Variants in MAML2 observed in about 807,000 individuals in gnomAD.
MAML2 encodes the protein mastermind like transcriptional coactivator 2.
In MAML2, 22 loss-of-function variants were observed where a neutral mutation model predicts 96.1. The observed-to-expected ratio is 0.23, with a 90% CI of 0.16 to 0.33. MAML2 has a LOEUF of 0.33. Ranked by LOEUF, MAML2 falls within the 10% of genes least tolerant of loss-of-function variation. The pLI is 1.00. For synonymous variants in MAML2, 561 were observed against 521.3 expected (o/e 1.08, Z -1.04); for missense variants, 1,367 against 1,392.4 (o/e 0.98, Z 0.29).
chr11:96,056,038 G>A (rs918244867), intron 2 of MAML2, among the ~76,000 whole-genome samples: 1 of 152,088 alleles, frequency 6.6e-6, no homozygotes, highest in African/African-American at 2.4e-5. Context: ...AAAAGCAATG[G>A]GTTAGAAATC....
intron 1 of MAML2, among the ~76,000 whole-genome samples, chr11:96,197,659 G>A (rs1178327837): frequency 2.0e-5 from 3 of 152,126 alleles, no homozygotes; most frequent in Non-Finnish European, 1.5e-5. Flanking sequence ...CCTACTATGT[G>A]CCAGGAAGTG....
At chr11:96,148,054 C>T (rs1860848536) in intron 1 of MAML2, among the ~76,000 whole-genome samples, 1 of 152,202 alleles carries the variant, frequency 6.6e-6, no homozygotes, top group African/African-American at 2.4e-5. Flanking sequence ...TCTCCTTTAA[C>T]AAGACTGTGG....
At chr11:96,228,816 G>C (rs1862250108) in intron 1 of MAML2, among the ~76,000 whole-genome samples, 1 of 152,212 alleles carries the variant, frequency 6.6e-6, no homozygotes, top group African/African-American at 2.4e-5. Flanking sequence ...ATGGTTTCTA[G>C]ACTTCATAAG....
chr11:96,282,387 T>C (rs1052457672), intron 1 of MAML2, among the ~76,000 whole-genome samples: 4 of 152,190 alleles, frequency 2.6e-5, no homozygotes, highest in Non-Finnish European at 5.9e-5. Flanking sequence ...GGATTTAAAT[T>C]ATTTTTCAGT....
rs936114504 is a variant in MAML2, at chr11:96,325,324, T to C, written c.513+16059A>G. 3.0e-4 allele frequency among the ~76,000 whole-genome samples: 45 copies of C among 152,142 alleles called. 1 individual carries two copies. Among genetic ancestry groups the C allele is most frequent in the Middle Eastern group, 3.2e-3 (1 of 316 alleles). ...GACAAGTTTGAGCCTCTCATACCTGTCTCTTAAACGAGGGTAGTAATACTC... is the reference window on the plus strand; with the variant it reads ...GACAAGTTTGAGCCTCTCATACCTGCCTCTTAAACGAGGGTAGTAATACTC... On this transcript the variant is annotated intron_variant, in intron 1 of 4. Coordinates refer to ENST00000524717, the MANE Select transcript of MAML2 (RefSeq NM_032427.4).
At chr11:96,329,366 A>G (rs1474103267) in intron 1 of MAML2, among the ~76,000 whole-genome samples, 1 of 152,164 alleles carries the variant, frequency 6.6e-6, no homozygotes, top group African/African-American at 2.4e-5. Context: ...CCCTTCCGCC[A>G]TGGCTGGACC....
intron 1 of MAML2, among the ~76,000 whole-genome samples, chr11:96,250,832 G>T (rs1862571890): frequency 6.6e-6 from 1 of 152,170 alleles, no homozygotes; most frequent in Non-Finnish European, 1.5e-5. Flanking sequence ...AACTTATTTG[G>T]TGATAATGAC....
chr11:95,984,039 T>C (rs1345841259), intron 4 of MAML2, among the ~76,000 whole-genome samples: 3 of 152,162 alleles, frequency 2.0e-5, no homozygotes, highest in Admixed American at 2.0e-4. Flanking sequence ...GCAAGCTCCA[T>C]TCACGGTAAG....
At chr11:96,076,517 C>T (rs1424266113) in intron 2 of MAML2, among the ~76,000 whole-genome samples, 1 of 151,782 alleles carries the variant, frequency 6.6e-6, no homozygotes, top group Non-Finnish European at 1.5e-5. Context: ...GCAACTTCCT[C>T]CACTCGGATG....
At chr11:96,170,338 GAC>G (rs1861267965) in intron 1 of MAML2, among the ~76,000 whole-genome samples, 1 of 152,184 alleles carries the variant, frequency 6.6e-6, no homozygotes, top group South Asian at 2.1e-4. Flanking sequence ...AAATTAATCA[GAC>G]ACAGATAATG....
intron 1 of MAML2, among the ~76,000 whole-genome samples, chr11:96,266,366 T>C (rs546286255): frequency 6.6e-6 from 1 of 152,084 alleles, no homozygotes; most frequent in South Asian, 2.1e-4. Context: ...GTCAGGAGAT[T>C]GAGACCATCC....
intron 1 of MAML2, among the ~76,000 whole-genome samples, chr11:96,117,287 C>CT (rs144095832): frequency 1.7e-5 from 2 of 119,460 alleles, no homozygotes; most frequent in East Asian, 6.1e-4. Context: ...TGCTGCAAAG[C>CT]TCTTTTTTTT....
chr11:96,036,396 T>G (rs1858712255), intron 2 of MAML2, among the ~76,000 whole-genome samples: 1 of 152,142 alleles, frequency 6.6e-6, no homozygotes, highest in South Asian at 2.1e-4. Flanking sequence ...CATTTTAAAC[T>G]CTTTTAGCAC....
At chr11:95,980,555 A>T (rs781195419) in intron 4 of MAML2, among the ~76,000 whole-genome samples, 5 of 152,196 alleles carry the variant, frequency 3.3e-5, no homozygotes, top group African/African-American at 7.2e-5. Context: ...ATTATCTCAT[A>T]AAGAAATTCT....
intron 1 of MAML2, among the ~76,000 whole-genome samples, chr11:96,334,046 A>G (rs750089843): frequency 5.9e-5 from 9 of 152,198 alleles, no homozygotes; most frequent in Non-Finnish European, 1.3e-4. Flanking sequence ...TAGGATTGGA[A>G]GAGGTAGTAC....
chr11:96,295,391 T>C (rs1863279017), intron 1 of MAML2, among the ~76,000 whole-genome samples: 1 of 152,172 alleles, frequency 6.6e-6, no homozygotes, highest in South Asian at 2.1e-4. Context: ...TCACACCAAG[T>C]GCATTTAAAA....
In MAML2 at chr11:96,019,970, C is replaced by T. The variant is rs141932390; in HGVS notation, c.2140-28247G>A. ...CTGAGTCTCCTAGCTCTGGAGTTTA[C>T]GCTATTCAGTCGTTAAGTGCTGTTT... On this transcript the variant is annotated intron_variant, in intron 2 of 4. Coordinates refer to ENST00000524717, the MANE Select transcript of MAML2 (RefSeq NM_032427.4). 6.8e-3 allele frequency among the ~76,000 whole-genome samples: 1,036 copies of T among 152,224 alleles called. 6 individuals carry two copies. The highest frequency in any genetic ancestry group is 9.9e-3 in the Admixed American group (151 of 15,290).
chr11:95,979,879 C>T lies in MAML2; in HGVS notation c.2540G>A (p.Ser847Asn), dbSNP rs755809170. The T allele has an allele frequency of 2.5e-6, 4 of 1,613,846 alleles. No homozygotes were observed. In the South Asian group the frequency reaches 3.3e-5, roughly 13 times the overall value. ...STHTILTPNS[S>N]LLSTSHGTRM... Reference sequence around the variant, plus strand: ...TGTCCCGTGAGAAGTAGACAGGAGGCTGGAATTGGGAGTTAAAATGGTGTG... The same window carrying T: ...TGTCCCGTGAGAAGTAGACAGGAGGTTGGAATTGGGAGTTAAAATGGTGTG... The change falls in exon 5 of 5, where the codon AGC (serine) becomes AAC (asparagine). Residue 847 changes from serine (S) to asparagine (N), a missense_variant. Transcript: ENST00000524717.
intron 2 of MAML2, among the ~76,000 whole-genome samples, chr11:96,068,847 AG>A (rs1334841828): frequency 7.3e-5 from 11 of 150,674 alleles, no homozygotes; most frequent in African/African-American, 2.7e-4. Context: ...AAAAAAAAGA[AG>A]GTATGTATTT....
Sources: allele counts gnomAD v4.1 joint callset (sites outside exome capture counted in the v4.1 genomes callset), GRCh38; gene constraint gnomAD v4.1.1; transcripts MANE v1.5; gene names NCBI Gene and HGNC (gene_info 2026-07-23, HGNC 2026-07-21).